The following GALNTL6 variants were observed in gnomAD, a reference collection of about 807,000 sequenced individuals.
The protein encoded by GALNTL6 is polypeptide N-acetylgalactosaminyltransferase like 6.
A neutral mutation model predicts 73.7 loss-of-function variants in GALNTL6; 46 were observed. The ratio of observed to expected loss-of-function variants is 0.62; its 90% confidence interval spans 0.49 to 0.80. The LOEUF is 0.80. GALNTL6 is among the 30% of genes least tolerant of loss of function. GALNTL6 has a pLI of 0.00. For synonymous variants in GALNTL6, 259 were observed against 263.7 expected, an observed-to-expected ratio of 0.98 and a Z score of 0.17; for missense variants, 604 against 755.0, an observed-to-expected ratio of 0.80 and a Z score of 2.34.
rs761736175 is a variant in GALNTL6, at chr4:172,811,161, C to T, written c.739+1615C>T. On this transcript the variant is annotated intron_variant, in intron 6 of 12. Coordinates refer to ENST00000506823, the MANE Select transcript of GALNTL6 (RefSeq NM_001034845.3). The stretch of plus-strand genomic sequence containing the variant: ...AAAAACAGGCAGAGCCACACAGTTT[C>T]TTGGCTCATTTTTCACCTTGGGATT... 2.8e-4 allele frequency among the ~76,000 whole-genome samples: 42 copies of T among 152,188 alleles called. 1 individual carries two copies. Among genetic ancestry groups the T allele is most frequent in the Non-Finnish European group, 7.3e-5 (5 of 68,038 alleles).
intron 2 of GALNTL6, among the ~76,000 whole-genome samples, chr4:171,942,821 G>T (rs1738591960): frequency 6.6e-6 from 1 of 152,194 alleles, no homozygotes; most frequent in African/African-American, 2.4e-5. Context: ...TGTGATGGTT[G>T]TTTGAAAGGG....
At chr4:172,224,360 A>G (rs1044353228) in intron 2 of GALNTL6, among the ~76,000 whole-genome samples, 1 of 152,188 alleles carries the variant, frequency 6.6e-6, no homozygotes, top group African/African-American at 2.4e-5. Flanking sequence ...CTTTGAATCC[A>G]GAGTTTTTCT....
chr4:171,985,284 G>A (rs1740034220), intron 2 of GALNTL6, among the ~76,000 whole-genome samples: 2 of 152,132 alleles, frequency 1.3e-5, no homozygotes, highest in South Asian at 4.1e-4. Context: ...CGTCTCACAT[G>A]GCAGCAAGCC....
chr4:171,931,093 T>C (rs965494081), intron 2 of GALNTL6, among the ~76,000 whole-genome samples: 7 of 152,226 alleles, frequency 4.6e-5, no homozygotes, highest in Non-Finnish European at 1.0e-4. Context: ...GAATTCCTAG[T>C]AGATTCATAA....
At chr4:171,941,496 C>G (rs1255734254) in intron 2 of GALNTL6, among the ~76,000 whole-genome samples, 1 of 152,140 alleles carries the variant, frequency 6.6e-6, no homozygotes, top group Non-Finnish European at 1.5e-5. Flanking sequence ...GTAACATTGA[C>G]AGTATGGGAC....
intron 5 of GALNTL6, among the ~76,000 whole-genome samples, chr4:172,764,501 T>C (rs1378451082): frequency 6.6e-6 from 1 of 151,922 alleles, no homozygotes; most frequent in Non-Finnish European, 1.5e-5. Flanking sequence ...ACTTTAAAAT[T>C]AAATATAAGA....
chr4:172,453,121 G>A (rs927872422), intron 5 of GALNTL6, among the ~76,000 whole-genome samples: 1 of 151,780 alleles, frequency 6.6e-6, no homozygotes, highest in African/African-American at 2.4e-5. Flanking sequence ...GAATCGTTTA[G>A]AACCCAGGAG....
intron 2 of GALNTL6, 26 bp downstream of exon 2, chr4:171,814,744 CACA>C: frequency 2.5e-6 from 4 of 1,612,312 alleles, no homozygotes; most frequent in Non-Finnish European, 3.4e-6. Flanking sequence ...AGAAAGATCA[CACA>C]AGGATTGGTA....
intron 5 of GALNTL6, among the ~76,000 whole-genome samples, chr4:172,614,326 T>C (rs1485335432): frequency 1.3e-5 from 2 of 152,152 alleles, no homozygotes; most frequent in Admixed American, 6.6e-5. Context: ...GAAATAGCTG[T>C]TGAGGATCCA....
chr4:172,638,890 A>C (rs2111115478), intron 5 of GALNTL6, among the ~76,000 whole-genome samples: 1 of 152,200 alleles, frequency 6.6e-6, no homozygotes, highest in South Asian at 2.1e-4. Context: ...AAGAGTACTG[A>C]CCATTTATTT....
intron 8 of GALNTL6, among the ~76,000 whole-genome samples, chr4:172,896,642 T>C (rs1263800484): frequency 6.6e-6 from 1 of 151,936 alleles, no homozygotes; most frequent in Non-Finnish European, 1.5e-5. Flanking sequence ...GGCAGGAAAA[T>C]TGAGTCACAT....
chr4:172,788,375 A>AATAG (rs552155587), intron 5 of GALNTL6, among the ~76,000 whole-genome samples: 7 of 152,086 alleles, frequency 4.6e-5, no homozygotes, highest in African/African-American at 1.7e-4. Context: ...ATCTCTAAAA[A>AATAG]ATAGATAGAT....
At chr4:171,892,402 G>A (rs1050682591) in intron 2 of GALNTL6, among the ~76,000 whole-genome samples, 2 of 151,992 alleles carry the variant, frequency 1.3e-5, no homozygotes, top group African/African-American at 4.8e-5. Flanking sequence ...TTTGATAAAA[G>A]TATAATAGTT....
chr4:172,077,975 G>C (rs919730333), intron 2 of GALNTL6, among the ~76,000 whole-genome samples: 13 of 152,162 alleles, frequency 8.5e-5, no homozygotes, highest in Admixed American at 5.9e-4. Flanking sequence ...AAGGGACCAA[G>C]GTACAGCTTG....
At chr4:172,765,412 T>C (rs1173091452) in intron 5 of GALNTL6, among the ~76,000 whole-genome samples, 1 of 152,194 alleles carries the variant, frequency 6.6e-6, no homozygotes, top group Non-Finnish European at 1.5e-5. Flanking sequence ...CTATAATCCA[T>C]CTAAGTCCTT....
chr4:171,905,402 T>C (rs777688855), intron 2 of GALNTL6, among the ~76,000 whole-genome samples: 11 of 152,118 alleles, frequency 7.2e-5, no homozygotes, highest in Non-Finnish European at 1.2e-4. Flanking sequence ...AAGAAGGCCA[T>C]TATATAATGG....
chr4:172,475,765 T>C (rs569785517), intron 5 of GALNTL6, among the ~76,000 whole-genome samples: 1 of 152,290 alleles, frequency 6.6e-6, no homozygotes, highest in African/African-American at 2.4e-5. Flanking sequence ...GATCAGCCTT[T>C]AGTGAAAATC....
At chr4:172,019,386 TA>T (rs148345173) in intron 2 of GALNTL6, among the ~76,000 whole-genome samples, 19 of 151,686 alleles carry the variant, frequency 1.3e-4, no homozygotes, top group Non-Finnish European at 2.1e-4. Flanking sequence ...ATGAATGGAT[TA>T]AAAAAAAGAC....
chr4:172,060,596 A>G (rs1731170526), intron 2 of GALNTL6, among the ~76,000 whole-genome samples: 1 of 152,160 alleles, frequency 6.6e-6, no homozygotes, highest in African/African-American at 2.4e-5. Context: ...AAAAAAACAA[A>G]AGTTACATAT....
Sources: allele counts gnomAD v4.1 joint callset (sites outside exome capture counted in the v4.1 genomes callset), GRCh38; gene constraint gnomAD v4.1.1; transcripts MANE v1.5; gene names NCBI Gene and HGNC (gene_info 2026-07-23, HGNC 2026-07-21).